The following GLCE variants were observed in gnomAD, a reference collection of about 807,000 sequenced individuals.
GLCE encodes glucuronic acid epimerase, also known as D-glucuronyl C5-epimerase.
GLCE carries 19 observed loss-of-function variants against 47.9 expected under a neutral mutation model. The observed-to-expected ratio is 0.40, with a 90% confidence interval of 0.28 to 0.58. GLCE has a LOEUF of 0.58. Ranked by LOEUF, GLCE falls within the 20% of genes least tolerant of loss-of-function variation. GLCE has a pLI of 0.48. For missense variants in GLCE, 556 were observed against 743.3 expected, an observed-to-expected ratio of 0.75 and a Z score of 2.93; for synonymous variants, 245 against 263.4, an observed-to-expected ratio of 0.93 and a Z score of 0.68.
At position 69,269,151 on chromosome 15, in the gene GLCE, G is replaced by A; in HGVS notation, c.1761G>A (p.Gln587=). ...ATACCACCCACATCAATCAGTTGCA[G>A]CTACTCAGTACCATTGATGAGTCCC... The part of the protein sequence containing the change: ...DYHTTHINQL[Q]LLSTIDESPV... Residue 587 remains glutamine (Q), a synonymous_variant, in exon 5 of 5, where the codon CAG becomes CAA. Coordinates refer to ENST00000261858, the MANE Select transcript of GLCE (RefSeq NM_015554.3). 6.2e-7 allele frequency: 1 copy of A among 1,613,832 alleles called. No individual in the cohort carries two copies. The highest frequency in any genetic ancestry group is 2.2e-5 in the East Asian group (1 of 44,860).
chr15:69,238,411 A>C (rs1595774753), intron 2 of GLCE, among the ~76,000 whole-genome samples: 1 of 152,170 alleles, frequency 6.6e-6, no homozygotes, highest in African/African-American at 2.4e-5. Context: ...CAGTTTCTTC[A>C]ACCATATGTG....
chr15:69,167,294 A>AG (rs2051519134), intron 1 of GLCE, among the ~76,000 whole-genome samples: 1 of 152,240 alleles, frequency 6.6e-6, no homozygotes, highest in South Asian at 2.1e-4. Context: ...TTCCCCCTCA[A>AG]GGGGAAGAAG....
chr15:69,167,713 A>G (rs1425710245), intron 1 of GLCE, among the ~76,000 whole-genome samples: 1 of 152,216 alleles, frequency 6.6e-6, no homozygotes, highest in Non-Finnish European at 1.5e-5. Flanking sequence ...AAGATTAGGT[A>G]AATGTGGGCT....
At chr15:69,168,806 A>G (rs2051542707) in intron 1 of GLCE, among the ~76,000 whole-genome samples, 1 of 152,228 alleles carries the variant, frequency 6.6e-6, no homozygotes, top group Non-Finnish European at 1.5e-5. Flanking sequence ...TGCTTGGATT[A>G]CAGGCGTGAG....
intron 1 of GLCE, among the ~76,000 whole-genome samples, chr15:69,209,842 T>G: frequency 6.6e-6 from 1 of 152,096 alleles, no homozygotes; most frequent in Non-Finnish European, 1.5e-5. Flanking sequence ...CCACATCCTC[T>G]TGGGACCACA....
intron 1 of GLCE, among the ~76,000 whole-genome samples, chr15:69,182,190 T>C (rs955883388): frequency 2.0e-5 from 3 of 151,968 alleles, no homozygotes; most frequent in East Asian, 3.9e-4. Flanking sequence ...GGTATAATTG[T>C]CAGTCAGCAT....
At chr15:69,213,037 G>A (rs1315772371) in intron 2 of GLCE, among the ~76,000 whole-genome samples, 1 of 151,994 alleles carries the variant, frequency 6.6e-6, no homozygotes, top group Non-Finnish European at 1.5e-5. Flanking sequence ...TGCATTTGAA[G>A]GAGAAGAATA....
At chr15:69,243,442 C>G (rs1316892748) in intron 2 of GLCE, among the ~76,000 whole-genome samples, 1 of 151,680 alleles carries the variant, frequency 6.6e-6, no homozygotes, top group Non-Finnish European at 1.5e-5. Context: ...TTCATAGCTT[C>G]AAAGCCGATT....
At chr15:69,207,994 G>C (rs1460709350) in intron 1 of GLCE, among the ~76,000 whole-genome samples, 1 of 151,366 alleles carries the variant, frequency 6.6e-6, no homozygotes, top group African/African-American at 2.4e-5. Flanking sequence ...AAATTATATT[G>C]TTTTCTTACT....
In GLCE at chr15:69,177,735, T is replaced by A. The variant is rs185651550; in HGVS notation, c.-105+16978T>A. On this transcript the variant is annotated intron_variant, in intron 1 of 4. Coordinates refer to ENST00000261858, the MANE Select transcript of GLCE (RefSeq NM_015554.3). ...TTTATCATCTTTACTTCATGCCGCT[T>A]TATCATCTTTACTTCATGCCCCTCC... is the stretch of plus-strand genomic sequence containing the variant. Among the ~76,000 whole-genome samples the A allele has an allele frequency of 2.7e-3, 406 of 149,520 alleles. 1 individual carries two copies. Among genetic ancestry groups the A allele is most frequent in the Non-Finnish European group, 4.6e-3 (309 of 66,616 alleles).
At chr15:69,259,066 C>A (rs1239481046) in intron 3 of GLCE, among the ~76,000 whole-genome samples, 2 of 152,144 alleles carry the variant, frequency 1.3e-5, no homozygotes, top group South Asian at 2.1e-4. Flanking sequence ...CCAACTCTTG[C>A]CATCATGGAC....
chr15:69,175,525 A>C lies in GLCE; in HGVS notation c.-105+14768A>C, dbSNP rs986148660. 6.5e-4 allele frequency among the ~76,000 whole-genome samples: 99 copies of C among 152,230 alleles called. 1 individual carries two copies. Among genetic ancestry groups the C allele is most frequent in the Admixed American group, 9.8e-4 (15 of 15,286 alleles). ...AATGAATAAAATAGAATATATTTTA[A>C]CATGTTTAAGAAGTATGTCTGTGAC... is the stretch of plus-strand genomic sequence containing the variant. On this transcript the variant is annotated intron_variant, in intron 1 of 4. Transcript: ENST00000261858.
intron 1 of GLCE, among the ~76,000 whole-genome samples, chr15:69,168,064 C>G (rs2051531594): frequency 6.6e-6 from 1 of 151,946 alleles, no homozygotes. Context: ...TCCTTCTTGC[C>G]TGCTTTGTTT....
chr15:69,267,531 C>T (rs180791090), intron 4 of GLCE, among the ~76,000 whole-genome samples: 9 of 152,322 alleles, frequency 5.9e-5, no homozygotes, highest in Non-Finnish European at 1.5e-5. Context: ...ATTAGCACTT[C>T]TAGCAAGTAT....
chr15:69,245,332 CAA>C (rs34544477), intron 2 of GLCE, among the ~76,000 whole-genome samples: 1,296 of 79,198 alleles, frequency 0.016, 12 homozygotes, highest in African/African-American at 0.052. Flanking sequence ...GACTCTGTCT[CAA>C]AAAAAAAAAA....
chr15:69,177,358 C>T (rs1008494060), intron 1 of GLCE, among the ~76,000 whole-genome samples: 11 of 152,208 alleles, frequency 7.2e-5, no homozygotes, highest in African/African-American at 1.9e-4. Flanking sequence ...CCACTGCACC[C>T]GGCCTTGCTT....
At chr15:69,260,251 GGTTTTTTTTTTTTT>G (rs2052993196) in intron 3 of GLCE, among the ~76,000 whole-genome samples, 1 of 122,656 alleles carries the variant, frequency 8.2e-6, no homozygotes, top group Non-Finnish European at 1.6e-5. Flanking sequence ...AGTCACAACT[GGTTTTTTTTTTTTT>G]TTTTTTTTTT....
chr15:69,244,457 A>G (rs1010095596), intron 2 of GLCE, among the ~76,000 whole-genome samples: 5 of 152,208 alleles, frequency 3.3e-5, no homozygotes, highest in Non-Finnish European at 7.3e-5. Flanking sequence ...ACTTTAACCA[A>G]AACAAGACCT....
At chr15:69,161,995 AAT>A (rs995836685) in intron 1 of GLCE, among the ~76,000 whole-genome samples, 1 of 152,070 alleles carries the variant, frequency 6.6e-6, no homozygotes, top group African/African-American at 2.4e-5. Flanking sequence ...TGCCTGAGTG[AAT>A]GTTAGGCAGA....
Sources: gnomAD v4.1 joint callset for allele counts (sites outside exome capture counted in the v4.1 genomes callset) on GRCh38, gnomAD v4.1.1 for gene constraint, MANE v1.5 for transcripts, NCBI Gene and HGNC (gene_info 2026-07-23, HGNC 2026-07-21) for gene names.